SLCO6A1: variants seen among roughly 807,000 people sequenced by gnomAD.
The protein encoded by SLCO6A1 is cancer/testis antigen 48.
Under a neutral mutation model 72.7 loss-of-function variants are expected in SLCO6A1, and 65 were observed. That is an observed-to-expected ratio of 0.89 (90% CI 0.73 to 1.10). SLCO6A1 has a LOEUF of 1.10. Among genes scored for constraint, SLCO6A1 ranks in the 50% least tolerant of loss-of-function variants. The pLI is 0.00. For synonymous variants in SLCO6A1, 314 were observed against 298.2 expected, an observed-to-expected ratio of 1.05 and a Z score of -0.55; for missense variants, 874 against 872.6, an observed-to-expected ratio of 1.00 and a Z score of -0.02.
chr5:102,402,536 C>T (rs1007543532), intron 9 of SLCO6A1, among the ~76,000 whole-genome samples: 5 of 152,054 alleles, frequency 3.3e-5, no homozygotes, highest in African/African-American at 7.2e-5. Context: ...ACTTATTTCT[C>T]ATAATTCTGA....
At chr5:102,404,729 T>G (rs957754528) in intron 9 of SLCO6A1, among the ~76,000 whole-genome samples, 1 of 152,166 alleles carries the variant, frequency 6.6e-6, no homozygotes, top group Non-Finnish European at 1.5e-5. Flanking sequence ...AATGTTAGTA[T>G]GAAATGTTAG....
At position 102,477,723 on chromosome 5, in the gene SLCO6A1, G is replaced by A. The variant is rs140549680; in HGVS notation, c.755C>T (p.Thr252Ile). The A allele has an allele frequency of 6.2e-7, 1 of 1,613,592 alleles. No individual in the cohort carries two copies. Among genetic ancestry groups the A allele is most frequent in the Non-Finnish European group, 8.5e-7 (1 of 1,179,782 alleles). ...AGMPLYILGI[T>I]FIDENVATHS... ...TGTAGCAACATTCTCATCAATAAAGGTTATTCCAAGGATATAAAGAGGCAT... is the reference window on the plus strand; with the variant it reads ...TGTAGCAACATTCTCATCAATAAAGATTATTCCAAGGATATAAAGAGGCAT... Residue 252 changes from threonine (T) to isoleucine (I), a missense_variant, in exon 3 of 14, where the codon ACC (threonine) becomes ATC (isoleucine). Physicochemically the swap from Thr to Ile is moderately conservative, Grantham distance 89. Transcript: ENST00000506729.
At chr5:102,399,173 T>A (rs534375835) in intron 10 of SLCO6A1, among the ~76,000 whole-genome samples, 69 of 152,236 alleles carry the variant, frequency 4.5e-4, no homozygotes, top group Middle Eastern at 3.4e-3. Context: ...ACACTCATGC[T>A]TTCTCATAGT....
chr5:102,432,180 T>A (rs1418210309), intron 7 of SLCO6A1, among the ~76,000 whole-genome samples: 1 of 152,194 alleles, frequency 6.6e-6, no homozygotes, highest in African/African-American at 2.4e-5. Context: ...TCGGTCTTGC[T>A]TTTCTATTCA....
chr5:102,419,559 A>G (rs913546766), intron 8 of SLCO6A1, among the ~76,000 whole-genome samples: 1 of 152,156 alleles, frequency 6.6e-6, no homozygotes, highest in Non-Finnish European at 1.5e-5. Flanking sequence ...CCCTAATACA[A>G]AACTTTATTT....
chr5:102,382,936 GTGTGTATATATATGAGAGATATATATA>G (rs577762089), intron 12 of SLCO6A1, among the ~76,000 whole-genome samples: 3,613 of 147,888 alleles, frequency 0.024, 116 homozygotes, highest in African/African-American at 0.073. Flanking sequence ...ATATATACGT[GTGTGTATATATATGAGAGATATATATA>G]TGTGTATATA....
chr5:102,397,632 C>T (rs576386886), intron 10 of SLCO6A1, among the ~76,000 whole-genome samples: 2 of 152,202 alleles, frequency 1.3e-5, no homozygotes, highest in African/African-American at 4.8e-5. Context: ...CTATGTAAGT[C>T]CTGCTCCCAG....
chr5:102,421,165 T>C (rs2167586), intron 7 of SLCO6A1, among the ~76,000 whole-genome samples: 99,380 of 151,876 alleles, frequency 0.65, 32,779 homozygotes, highest in African/African-American at 0.69. Context: ...ACCAGGGCCC[T>C]GGGTTTCAAG....
At chr5:102,494,820 C>A (rs1019751541) in intron 1 of SLCO6A1, among the ~76,000 whole-genome samples, 1 of 152,160 alleles carries the variant, frequency 6.6e-6, no homozygotes, top group African/African-American at 2.4e-5. Context: ...ATGGTACAGC[C>A]ACTTTGTAAT....
chr5:102,496,529 C>T (rs1382744778), intron 1 of SLCO6A1, among the ~76,000 whole-genome samples: 2 of 152,114 alleles, frequency 1.3e-5, no homozygotes, highest in East Asian at 1.9e-4. Flanking sequence ...TCATTACCCA[C>T]CTAATAAGGG....
chr5:102,463,470 A>G (rs547461468), intron 4 of SLCO6A1, among the ~76,000 whole-genome samples: 6 of 152,356 alleles, frequency 3.9e-5, no homozygotes, highest in African/African-American at 1.4e-4. Flanking sequence ...TTGCACATAC[A>G]TGTTTATAGC....
chr5:102,450,782 A>C (rs932196238), intron 6 of SLCO6A1, among the ~76,000 whole-genome samples: 4 of 152,210 alleles, frequency 2.6e-5, no homozygotes, highest in African/African-American at 9.6e-5. Context: ...TTGCAGGCCC[A>C]AGCCGAGGTG....
At chr5:102,402,391 G>C (rs949945374) in intron 9 of SLCO6A1, among the ~76,000 whole-genome samples, 2 of 152,160 alleles carry the variant, frequency 1.3e-5, no homozygotes, top group African/African-American at 4.8e-5. Context: ...TAACAAAAAG[G>C]ATAGTAGAGG....
chr5:102,459,287 G>A (rs146759504), intron 5 of SLCO6A1, among the ~76,000 whole-genome samples: 10 of 152,206 alleles, frequency 6.6e-5, no homozygotes, highest in Admixed American at 2.0e-4. Context: ...GAACATGGTG[G>A]CATGCACCTG....
chr5:102,455,027 T>TATAAAAATATATATATATATATACATAA (rs144619414), intron 6 of SLCO6A1, among the ~76,000 whole-genome samples: 2 of 141,830 alleles, frequency 1.4e-5, no homozygotes, highest in African/African-American at 5.4e-5. Flanking sequence ...TATATATATA[T>TATAAAAATATATATATATATATACATAA]AAATTATGTT....
chr5:102,467,672 G>A (rs370523106), intron 4 of SLCO6A1, among the ~76,000 whole-genome samples: 1 of 152,032 alleles, frequency 6.6e-6, no homozygotes, highest in Non-Finnish European at 1.5e-5. Context: ...TGTGGTATCA[G>A]TTGTAATATC....
At chr5:102,493,833 C>A (rs954339961) in intron 1 of SLCO6A1, among the ~76,000 whole-genome samples, 1 of 152,076 alleles carries the variant, frequency 6.6e-6, no homozygotes, top group Non-Finnish European at 1.5e-5. Flanking sequence ...GATGATATAT[C>A]CAGCATGTTC....
rs563887734 is a variant in SLCO6A1 at position 102,446,718 on chromosome 5, G to A, written c.1132-7957C>T. The stretch of plus-strand genomic sequence containing the variant: ...GTTTGTAATAGATGACTCTTATTTT[G>A]AGGTATGTACCTTCGATGCCTAGTT... On this transcript the variant is annotated intron_variant, in intron 6 of 13. Coordinates refer to ENST00000506729, the MANE Select transcript of SLCO6A1 (RefSeq NM_173488.5). Among the ~76,000 whole-genome samples the A allele has an allele frequency of 2.6e-5, 4 of 151,842 alleles. No individual in the cohort carries two copies. In the South Asian group the frequency reaches 8.4e-4, roughly 32 times the overall value.
chr5:102,485,610 G>A (rs1420284935), intron 1 of SLCO6A1, among the ~76,000 whole-genome samples: 1 of 152,228 alleles, frequency 6.6e-6, no homozygotes, highest in Non-Finnish European at 1.5e-5. Flanking sequence ...CACTTTGGAT[G>A]TGTTATTACA....
Sources: gnomAD v4.1 joint callset for allele counts (sites outside exome capture counted in the v4.1 genomes callset) on GRCh38, gnomAD v4.1.1 for gene constraint, MANE v1.5 for transcripts, NCBI Gene and HGNC (gene_info 2026-07-23, HGNC 2026-07-21) for gene names.